TM9SF3: variants seen among roughly 807,000 people sequenced by gnomAD.
TM9SF3 encodes transmembrane 9 superfamily member 3.
Under a neutral mutation model 78.6 loss-of-function variants are expected in TM9SF3, and 14 were observed. The observed-to-expected ratio is 0.18, with a 90% CI of 0.12 to 0.28. The LOEUF is 0.28. Among genes scored for constraint, TM9SF3 ranks in the 10% least tolerant of loss-of-function variants. TM9SF3 has a pLI of 1.00. For missense variants in TM9SF3, 496 were observed against 721.9 expected, an observed-to-expected ratio of 0.69 and a Z score of 3.59; for synonymous variants, 231 against 241.7, an observed-to-expected ratio of 0.96 and a Z score of 0.41.
chr10:96,586,317 T>G (rs907732188), intron 1 of TM9SF3, among the ~76,000 whole-genome samples: 2 of 152,164 alleles, frequency 1.3e-5, no homozygotes, highest in Admixed American at 6.5e-5. Flanking sequence ...GCATCCATCT[T>G]CCTCGGCGTC....
intron 14 of TM9SF3, among the ~76,000 whole-genome samples, chr10:96,524,641 A>G (rs1474065823): frequency 6.6e-6 from 1 of 151,958 alleles, no homozygotes; most frequent in Non-Finnish European, 1.5e-5. Context: ...TATCTTAGGA[A>G]TAATAGAGGT....
At chr10:96,560,019 A>G (rs1181321872) in intron 4 of TM9SF3, among the ~76,000 whole-genome samples, 1 of 152,246 alleles carries the variant, frequency 6.6e-6, no homozygotes, top group African/African-American at 2.4e-5. Flanking sequence ...GATAAATGTG[A>G]TATGAACTGA....
At chr10:96,574,256 G>T (rs1564940162) in intron 2 of TM9SF3, among the ~76,000 whole-genome samples, 1 of 152,114 alleles carries the variant, frequency 6.6e-6, no homozygotes, top group African/African-American at 2.4e-5. Context: ...ATCAAAAAGT[G>T]GGCAAAGAAT....
intron 2 of TM9SF3, among the ~76,000 whole-genome samples, chr10:96,572,525 CTTTT>C (rs35050136): frequency 7.6e-6 from 1 of 131,522 alleles, no homozygotes; most frequent in African/African-American, 2.8e-5. Flanking sequence ...AACGCATTTT[CTTTT>C]TTTTTTTTTT....
chr10:96,576,634 C>G lies in TM9SF3; in HGVS notation c.298G>C (p.Asp100His). Residue 100 changes from aspartate to histidine, a missense_variant and splice_region_variant, in exon 2 of 15, where the codon GAT (aspartate) becomes CAT (histidine). This residue lies in a region of TM9SF3 where 155 missense variants were observed against 241.6 expected (regional missense o/e 0.64). Transcript: ENST00000371142. ...EFSGLDIKFK[D>H]DVMPATYCEI... ...GTAAGGACTATTAAGGTTTACTTAC[C>G]TTTAAATTTAATATCCAGACCACTA... 6.3e-7 allele frequency: 1 copy of G among 1,580,444 alleles called. No homozygotes were observed.
chr10:96,581,755 A>C (rs548959678), intron 1 of TM9SF3, among the ~76,000 whole-genome samples: 2 of 152,368 alleles, frequency 1.3e-5, no homozygotes, highest in East Asian at 3.9e-4. Flanking sequence ...CATTTGCCAA[A>C]GTAAATCAAA....
chr10:96,534,104 G>C (rs1455186850), intron 9 of TM9SF3, among the ~76,000 whole-genome samples: 1 of 152,168 alleles, frequency 6.6e-6, no homozygotes, highest in Non-Finnish European at 1.5e-5. Context: ...AAATGAAGAG[G>C]TATGGGGTAG....
At chr10:96,558,813 G>T (rs1024960526) in intron 5 of TM9SF3, among the ~76,000 whole-genome samples, 15 of 152,054 alleles carry the variant, frequency 9.9e-5, no homozygotes, top group African/African-American at 3.6e-4. Flanking sequence ...AAAAATAGGT[G>T]ATTAATAAAC....
At chr10:96,566,612 G>A (rs998003720) in intron 2 of TM9SF3, among the ~76,000 whole-genome samples, 1 of 152,134 alleles carries the variant, frequency 6.6e-6, no homozygotes, top group Non-Finnish European at 1.5e-5. Flanking sequence ...CTCCAACAGC[G>A]ACTCCCACAT....
chr10:96,579,505 T>A (rs1848535965), intron 1 of TM9SF3, among the ~76,000 whole-genome samples: 1 of 152,186 alleles, frequency 6.6e-6, no homozygotes. Flanking sequence ...TAAAATAATT[T>A]AAGGGTCCCA....
At chr10:96,571,330 C>G (rs1020563909) in intron 2 of TM9SF3, among the ~76,000 whole-genome samples, 1 of 152,222 alleles carries the variant, frequency 6.6e-6, no homozygotes, top group Non-Finnish European at 1.5e-5. Context: ...TAGACACATA[C>G]TGTACCCTCA....
At chr10:96,567,893 T>A (rs1848396805) in intron 2 of TM9SF3, among the ~76,000 whole-genome samples, 1 of 152,218 alleles carries the variant, frequency 6.6e-6, no homozygotes, top group South Asian at 2.1e-4. Flanking sequence ...TACCTATACA[T>A]GCATCTGTGT....
At chr10:96,533,013 G>T in intron 10 of TM9SF3, 38 bp downstream of exon 10, 1 of 1,610,956 alleles carries the variant, frequency 6.2e-7, no homozygotes, top group Non-Finnish European at 8.5e-7. Context: ...CTTATATATT[G>T]TGTGAAACAA....
At position 96,560,232 on chromosome 10, in the gene TM9SF3, C is replaced by T. The variant is rs545027678; in HGVS notation, c.583-496G>A. 52 of 999,836 alleles carry T rather than the reference C, an allele frequency of 5.2e-5. 1 individual carries two copies. In the South Asian group the frequency reaches 5.4e-4, roughly 10 times the overall value. The allele number at this position is 999,836 out of a possible 1,614,324, so 61.9% of individuals were successfully genotyped here. On this transcript the variant is annotated intron_variant, in intron 4 of 14. Transcript: ENST00000371142. ...ACATGAGCCCCCTGAGGCCCCAGAA[C>T]TATCTTTTCAGTTGTGAACTAAAGG...
chr10:96,565,554 G>T, intron 2 of TM9SF3, 128 bp from the exon 3 acceptor site: 2 of 1,063,228 alleles, frequency 1.9e-6, no homozygotes, highest in Non-Finnish European at 2.6e-6. Context: ...CTGAATCTGA[G>T]TGATAAATAA....
intron 2 of TM9SF3, among the ~76,000 whole-genome samples, chr10:96,573,071 T>C (rs1476088981): frequency 3.0e-4 from 46 of 152,228 alleles, no homozygotes; most frequent in Non-Finnish European, 1.0e-4. Context: ...TGTGTACGTA[T>C]AGTTTTCTCT....
intron 5 of TM9SF3, among the ~76,000 whole-genome samples, chr10:96,555,966 T>C (rs1476927415): frequency 1.3e-5 from 2 of 152,166 alleles, no homozygotes; most frequent in African/African-American, 4.8e-5. Flanking sequence ...CTATACTAAT[T>C]AGACACACAT....
intron 3 of TM9SF3, 78 bp from the exon 4 acceptor site, chr10:96,562,216 G>GTTT (rs34868868): frequency 0.016 from 9,028 of 555,146 alleles, 109 homozygotes; most frequent in African/African-American, 0.062. Flanking sequence ...TGCTCATTAA[G>GTTT]TTTTTTTTTT....
At position 96,521,495 on chromosome 10, in the gene TM9SF3, T is replaced by C. The variant is rs1847772219; in HGVS notation, c.*768A>G. The C allele has an allele frequency of 6.6e-6, 1 of 152,378 alleles. No individual in the cohort carries two copies. The highest frequency in any genetic ancestry group is 1.9e-4 in the East Asian group (1 of 5,194). 9.4% of individuals were successfully genotyped at this position (152,378 alleles called of 1,614,324 possible). ...TCTCAAAATGTTTAATAAAAACAAG[T>C]ATCTTCTCCATTTAACACTTTGCTT... On this transcript the variant is annotated 3_prime_UTR_variant, in exon 15 of 15. Coordinates refer to ENST00000371142, the MANE Select transcript of TM9SF3 (RefSeq NM_020123.4).
Sources: allele counts gnomAD v4.1 joint callset (sites outside exome capture counted in the v4.1 genomes callset), GRCh38; gene constraint gnomAD v4.1.1; regional missense constraint gnomAD v4.1.1; transcripts MANE v1.5; gene names NCBI Gene and HGNC (gene_info 2026-07-23, HGNC 2026-07-21).